SCAPER: variants seen among roughly 807,000 people sequenced by gnomAD.
SCAPER encodes S phase cyclin A-associated protein in the endoplasmic reticulum.
Under a neutral mutation model 182.2 loss-of-function variants are expected in SCAPER, and 98 were observed. That is an observed-to-expected ratio of 0.54 (90% CI 0.46 to 0.64). The LOEUF is 0.64. Among genes scored for constraint, SCAPER ranks in the 30% least tolerant of loss-of-function variants. The pLI, the probability that SCAPER is intolerant of heterozygous loss-of-function variation, is 0.00. For missense variants in SCAPER, 1,432 were observed against 1,690.0 expected, an observed-to-expected ratio of 0.85 and a Z score of 2.68; for synonymous variants, 605 against 564.6, an observed-to-expected ratio of 1.07 and a Z score of -1.01.
chr15:76,738,869 C>A (rs62028724), intron 15 of SCAPER, among the ~76,000 whole-genome samples: 1 of 151,920 alleles, frequency 6.6e-6, no homozygotes, highest in South Asian at 2.1e-4. Context: ...GAAGTGAGCA[C>A]GTGTTGTTGG....
At chr15:76,732,575 G>T (rs2060979728) in intron 16 of SCAPER, among the ~76,000 whole-genome samples, 1 of 152,052 alleles carries the variant, frequency 6.6e-6, no homozygotes, top group African/African-American at 2.4e-5. Flanking sequence ...AGCGGACCGT[G>T]GTCTAGCGGT....
chr15:76,510,901 G>C (rs971371372), intron 23 of SCAPER, among the ~76,000 whole-genome samples: 1 of 151,884 alleles, frequency 6.6e-6, no homozygotes. Context: ...GCGCGCGCAC[G>C]TATGGAATAC....
chr15:76,369,079 G>C (rs1242935669), intron 29 of SCAPER, among the ~76,000 whole-genome samples: 1 of 152,174 alleles, frequency 6.6e-6, no homozygotes, highest in Admixed American at 6.5e-5. Flanking sequence ...TTATTATCCA[G>C]GTTTCTCTTC....
chr15:76,733,071 C>T (rs2061019945), intron 16 of SCAPER, among the ~76,000 whole-genome samples, 158 bp downstream of exon 16: 1 of 152,188 alleles, frequency 6.6e-6, no homozygotes, highest in African/African-American at 2.4e-5. Context: ...GTAGTGGTCC[C>T]CCCAGGCCCA....
chr15:76,641,450 C>A (rs1416701647), intron 21 of SCAPER, among the ~76,000 whole-genome samples: 1 of 151,922 alleles, frequency 6.6e-6, no homozygotes, highest in African/African-American at 2.4e-5. Flanking sequence ...TTGTTGGCAC[C>A]ACGGGACCAC....
chr15:76,725,898 C>G (rs1303699137), intron 17 of SCAPER, among the ~76,000 whole-genome samples: 4 of 150,440 alleles, frequency 2.7e-5, no homozygotes, highest in Admixed American at 1.3e-4. Flanking sequence ...ACAAGAAAAT[C>G]CAGGGAGAAA....
intron 5 of SCAPER, among the ~76,000 whole-genome samples, chr15:76,824,172 G>C (rs921362264): frequency 1.3e-5 from 2 of 152,184 alleles, no homozygotes; most frequent in Non-Finnish European, 2.9e-5. Flanking sequence ...AGCTATGAAG[G>C]CCATTTTGTC....
intron 20 of SCAPER, among the ~76,000 whole-genome samples, chr15:76,673,205 T>TGTA: frequency 6.6e-6 from 1 of 152,014 alleles, no homozygotes; most frequent in South Asian, 2.1e-4. Flanking sequence ...GGAATCTACA[T>TGTA]GATTCCTCAG....
At chr15:76,466,419 C>CTTTGTTTTTTTTTTTTT (rs2049631390) in intron 25 of SCAPER, among the ~76,000 whole-genome samples, 1 of 37,390 alleles carries the variant, frequency 2.7e-5, no homozygotes, top group Non-Finnish European at 5.4e-5. Context: ...GTTGGTTCTT[C>CTTTGTTTTTTTTTTTTT]TTTTTTTTTT....
chr15:76,784,645 G>T (rs182470795), intron 8 of SCAPER, among the ~76,000 whole-genome samples: 57 of 152,220 alleles, frequency 3.7e-4, no homozygotes, highest in African/African-American at 1.3e-3. Flanking sequence ...ATACTACAAG[G>T]CTACAGTAAC....
At chr15:76,502,073 G>A (rs189819900) in intron 24 of SCAPER, among the ~76,000 whole-genome samples, 54 of 152,318 alleles carry the variant, frequency 3.5e-4, no homozygotes, top group Admixed American at 1.5e-3. Flanking sequence ...GCTGAGGATA[G>A]AAGAATCTTA....
intron 17 of SCAPER, among the ~76,000 whole-genome samples, chr15:76,725,335 A>G (rs1218410645): frequency 6.6e-6 from 1 of 151,960 alleles, no homozygotes; most frequent in Admixed American, 6.6e-5. Context: ...AAAACTCAAC[A>G]CTGTTAAATT....
At chr15:76,468,568 A>G in intron 25 of SCAPER, among the ~76,000 whole-genome samples, 1 of 152,144 alleles carries the variant, frequency 6.6e-6, no homozygotes, top group East Asian at 1.9e-4. Context: ...CTCCAGGCCC[A>G]TGGTTGGTAC....
chr15:76,756,385 T>C (rs796418466), intron 14 of SCAPER, among the ~76,000 whole-genome samples: 3 of 152,218 alleles, frequency 2.0e-5, no homozygotes, highest in African/African-American at 7.2e-5. Flanking sequence ...GAGACCAGTC[T>C]GGGCAACATG....
chr15:76,692,735 G>A (rs1264033615), intron 20 of SCAPER, among the ~76,000 whole-genome samples: 5 of 139,820 alleles, frequency 3.6e-5, no homozygotes, highest in Non-Finnish European at 3.1e-5. Context: ...GGAAAGGAAA[G>A]GAAAGGACAG....
chr15:76,366,300 G>A (rs1160770755), intron 29 of SCAPER, among the ~76,000 whole-genome samples: 3 of 152,314 alleles, frequency 2.0e-5, no homozygotes, highest in African/African-American at 7.2e-5. Context: ...GCTTTTGGGT[G>A]TTATGAGAAC....
chr15:76,422,200 T>A lies in SCAPER; in HGVS notation c.3311+11878A>T, dbSNP rs1373408597. On this transcript the variant is annotated intron_variant, in intron 26 of 31. Transcript: ENST00000563290. ...TGGGGATGGCATTGAATCTATAAAT[T>A]ACCTTGGGCAGTATGGCCATTTTCA... is the stretch of plus-strand genomic sequence containing the variant. Among the ~76,000 whole-genome samples the A allele has an allele frequency of 2.6e-5, 4 of 152,348 alleles. No homozygotes were observed. In the East Asian group the frequency reaches 7.7e-4, roughly 29 times the overall value.
intron 24 of SCAPER, among the ~76,000 whole-genome samples, chr15:76,501,280 C>T (rs16968311): frequency 0.068 from 10,244 of 149,992 alleles, 392 homozygotes; most frequent in Middle Eastern, 0.11. Context: ...AAACAACCTA[C>T]TGCAGACTCA....
At chr15:76,764,925 C>T (rs376167983) in intron 14 of SCAPER, 36 bp downstream of exon 14, 1 of 1,294,048 alleles carries the variant, frequency 7.7e-7, no homozygotes, top group South Asian at 1.4e-5. Flanking sequence ...CCAGCAACTT[C>T]AGACTATCAT....
Sources: allele counts gnomAD v4.1 joint callset (sites outside exome capture counted in the v4.1 genomes callset), GRCh38; gene constraint gnomAD v4.1.1; transcripts MANE v1.5; gene names NCBI Gene and HGNC (gene_info 2026-07-23, HGNC 2026-07-21).